The following NHS variants were observed in gnomAD, a reference collection of about 807,000 sequenced individuals.
NHS encodes the protein actin remodeling regulator NHS.
NHS carries 5 observed loss-of-function variants against 72.5 expected under a neutral mutation model. That is an observed-to-expected ratio of 0.07 (90% CI 0.04 to 0.14). The LOEUF (loss-of-function observed/expected upper bound fraction) is 0.14, where lower values mean the gene tolerates loss of function less well. Ranked by LOEUF, NHS falls within the 10% of genes least tolerant of loss-of-function variation. The pLI, the probability that NHS is intolerant of heterozygous loss-of-function variation, is 1.00. For missense variants in NHS, 1,072 were observed against 1,355.7 expected (o/e 0.79, Z 3.29); for synonymous variants, 464 against 547.7 (o/e 0.85, Z 2.13).
Position 17,727,564 on chromosome X carries a change from A to G in NHS, c.3458A>G (p.Lys1153Arg). The G allele has an allele frequency of 8.3e-7, 1 of 1,211,887 alleles. No individual in the cohort carries two copies. Among genetic ancestry groups the G allele is most frequent in the South Asian group, 1.8e-5 (1 of 56,988 alleles). ...TCCATCAACAAGTCTGAAGAAGTTAAGCAAAAAGAAGAAAACAATACAGAT... is the reference window on the plus strand; with the variant it reads ...TCCATCAACAAGTCTGAAGAAGTTAGGCAAAAAGAAGAAAACAATACAGAT... ...LRSINKSEEVKQKEENNTDLP... is the reference protein window; with the variant it reads ...LRSINKSEEVRQKEENNTDLP... Residue 1153 changes from lysine (K) to arginine (R), a missense_variant, in exon 7 of 9, where the codon AAG becomes AGG. Transcript: ENST00000676302.
chrX:17,621,488 G>A (rs1314505584), intron 1 of NHS, among the ~76,000 whole-genome samples: 1 of 112,088 alleles, frequency 8.9e-6, no homozygotes, highest in African/African-American at 3.2e-5. Flanking sequence ...ACAAGGAAAG[G>A]CAGGATGAGG....
At chrX:17,579,328 T>G (rs1357916052) in intron 1 of NHS, among the ~76,000 whole-genome samples, 1 of 111,884 alleles carries the variant, frequency 8.9e-6, no homozygotes, top group Non-Finnish European at 1.9e-5. Context: ...GTGCTTTATT[T>G]TAGTGTGTTA....
chrX:17,566,712 G>A (rs774509530), intron 1 of NHS, among the ~76,000 whole-genome samples: 4 of 110,089 alleles, frequency 3.6e-5, no homozygotes, highest in Non-Finnish European at 7.6e-5. Flanking sequence ...TTTATTCCAG[G>A]ATTTTTTTCC....
At chrX:17,519,448 C>T (rs113704586) in intron 1 of NHS, among the ~76,000 whole-genome samples, 2 of 111,776 alleles carry the variant, frequency 1.8e-5, no homozygotes, top group East Asian at 5.6e-4. Flanking sequence ...TTTTGCGGCC[C>T]ATTTTAGTTT....
chrX:17,635,577 C>T lies in NHS; in HGVS notation c.566-52165C>T, dbSNP rs143065064. On this transcript the variant is annotated intron_variant, in intron 1 of 8. Coordinates refer to ENST00000676302, the MANE Select transcript of NHS (RefSeq NM_001291867.2). ...AGCGGGAATCCAAGCATGGCTCTGGCCTGCTGCATGCCCAAGAATGCAGGT... is the reference window on the plus strand; with the variant it reads ...AGCGGGAATCCAAGCATGGCTCTGGTCTGCTGCATGCCCAAGAATGCAGGT... 6,526 of 1,165,554 alleles carry T rather than the reference C, an allele frequency of 5.6e-3. 14 individuals carry two copies. The highest frequency in any genetic ancestry group is 6.3e-3 in the Non-Finnish European group (5,525 of 872,071).
At chrX:17,498,860 T>A (rs1474390239) in intron 1 of NHS, among the ~76,000 whole-genome samples, 1 of 112,027 alleles carries the variant, frequency 8.9e-6, no homozygotes. Flanking sequence ...GTGAGGTTTT[T>A]TTAAGCTGCT....
chrX:17,685,668 C>T (rs1008171324), intron 1 of NHS, among the ~76,000 whole-genome samples: 1 of 111,710 alleles, frequency 9.0e-6, no homozygotes, highest in South Asian at 3.8e-4. Context: ...AACATCTTTA[C>T]ACTAATTTTA....
At chrX:17,410,517 T>C (rs1202563473) in intron 1 of NHS, among the ~76,000 whole-genome samples, 1 of 67,949 alleles carries the variant, frequency 1.5e-5, no homozygotes, top group African/African-American at 7.4e-5. Context: ...AACTCTCTGC[T>C]TTTTTTTTTT....
chrX:17,438,313 C>T (rs892221742), intron 1 of NHS, among the ~76,000 whole-genome samples: 2 of 112,380 alleles, frequency 1.8e-5, no homozygotes, highest in Non-Finnish European at 3.8e-5. Context: ...AACTTCATGG[C>T]CCCACGGCCA....
Position 17,719,386 on chromosome X carries a change from A to T in NHS, c.895A>T (p.Met299Leu). 1 of 1,166,256 alleles carries T rather than the reference A, an allele frequency of 8.6e-7. No individual in the cohort carries two copies. Among genetic ancestry groups the T allele is most frequent in the Non-Finnish European group, 1.1e-6 (1 of 871,851 alleles). Residue 299 changes from methionine (M) to leucine (L), a missense_variant, in exon 4 of 9, where the codon ATG becomes TTG. Transcript: ENST00000676302. The stretch of plus-strand genomic sequence containing the variant: ...GCCCTCCCCCACTGAATGTTGCCAC[A>T]TGACCCCGTGGAGTAGAAAGGTATT... ...RSPSPTECCH[M>L]TPWSRKSHPP...
At chrX:17,410,516 CTT>C (rs200959395) in intron 1 of NHS, among the ~76,000 whole-genome samples, 15 of 82,196 alleles carry the variant, frequency 1.8e-4, no homozygotes, top group African/African-American at 6.0e-4. Flanking sequence ...CAACTCTCTG[CTT>C]TTTTTTTTTT....
chrX:17,535,823 C>T (rs2065220403), intron 1 of NHS, among the ~76,000 whole-genome samples: 1 of 111,516 alleles, frequency 9.0e-6, no homozygotes, highest in Admixed American at 9.5e-5. Context: ...CTCAAGTGAT[C>T]CTCCCATCTT....
chrX:17,566,153 AT>A (rs1371645237), intron 1 of NHS, among the ~76,000 whole-genome samples: 2 of 105,548 alleles, frequency 1.9e-5, no homozygotes, highest in African/African-American at 3.4e-5. Flanking sequence ...CTAATTTTTA[AT>A]TTTTTTTTTG....
intron 1 of NHS, among the ~76,000 whole-genome samples, chrX:17,633,429 C>G (rs751402169): frequency 8.9e-6 from 1 of 112,240 alleles, no homozygotes; most frequent in Non-Finnish European, 1.9e-5. Flanking sequence ...AGAGCTGTTA[C>G]ATTCTAGACC....
chrX:17,567,656 AGTT>A (rs2065451643), intron 1 of NHS, among the ~76,000 whole-genome samples: 1 of 110,308 alleles, frequency 9.1e-6, no homozygotes, highest in Non-Finnish European at 1.9e-5. Context: ...AGCTGTTTCT[AGTT>A]GTTTGTGGAG....
In NHS at chrX:17,557,109, TTGTGTGTGTGTGTG is replaced by T. The variant is rs56659086; in HGVS notation, c.566-130603_566-130590del. 779 of 87,659 alleles carry T rather than the reference TTGTGTGTGTGTGTG, an allele frequency of 8.9e-3. 9 individuals are homozygous for T. The highest frequency in any genetic ancestry group is 0.031 in the African/African-American group (720 of 22,981). 7.2% of individuals were successfully genotyped at this position (87,659 alleles called of 1,213,427 possible). On this transcript the variant is annotated intron_variant, in intron 1 of 8. Transcript: ENST00000676302. Reference sequence around the variant, plus strand: ...AAGCTATTTGTTGTTAAGGGGGATTTTGTGTGTGTGTGTGTGTGTGTGTGTGTGTGTGTGTGTGT... The same window carrying T: ...AAGCTATTTGTTGTTAAGGGGGATTTTGTGTGTGTGTGTGTGTGTGTGTGT...
At chrX:17,697,197 G>C (rs2066236165) in intron 3 of NHS, among the ~76,000 whole-genome samples, 1 of 110,945 alleles carries the variant, frequency 9.0e-6, no homozygotes, top group African/African-American at 3.3e-5. Flanking sequence ...GAAGAAAAGA[G>C]GCAAAAAGGA....
chrX:17,479,615 G>A (rs2064937437), intron 1 of NHS, among the ~76,000 whole-genome samples: 2 of 112,300 alleles, frequency 1.8e-5, no homozygotes, highest in South Asian at 7.4e-4. Context: ...GTATCTCATT[G>A]TGGTTTTGAT....
chrX:17,523,018 A>G (rs897766690), intron 1 of NHS, among the ~76,000 whole-genome samples: 5 of 107,202 alleles, frequency 4.7e-5, no homozygotes, highest in African/African-American at 1.7e-4. Context: ...ACTTGCTAGG[A>G]AAAAAAAAAT....
Sources: allele counts gnomAD v4.1 joint callset (sites outside exome capture counted in the v4.1 genomes callset), GRCh38; gene constraint gnomAD v4.1.1; transcripts MANE v1.5; gene names NCBI Gene and HGNC (gene_info 2026-07-23, HGNC 2026-07-21).